Variants in FANCD2OS observed in about 807,000 individuals in gnomAD.
FANCD2OS encodes FANCD2 opposite strand.
FANCD2OS carries 11 observed loss-of-function variants against 13.2 expected under a neutral mutation model. The ratio of observed to expected loss-of-function variants is 0.83; its 90% CI spans 0.52 to 1.38. The LOEUF (loss-of-function observed/expected upper bound fraction) is 1.38, where lower values mean the gene tolerates loss of function less well. Ranked by LOEUF, FANCD2OS falls within the 40% of genes most tolerant of loss-of-function variation. The pLI, the probability that FANCD2OS is intolerant of heterozygous loss-of-function variation, is 0.00. For missense variants in FANCD2OS, 217 were observed against 213.9 expected (o/e 1.01, Z -0.09); for synonymous variants, 69 against 84.5 (o/e 0.82, Z 1.01).
chr3:10,092,920 G>T (rs1694740066), intron 2 of FANCD2OS, among the ~76,000 whole-genome samples: 1 of 151,768 alleles, frequency 6.6e-6, no homozygotes, highest in African/African-American at 2.4e-5. Context: ...TCGAACTCCT[G>T]GGCTCAAGTG....
intron 2 of FANCD2OS, among the ~76,000 whole-genome samples, chr3:10,090,887 C>G (rs1012214237): frequency 4.0e-5 from 6 of 151,520 alleles, no homozygotes; most frequent in Non-Finnish European, 7.4e-5. Flanking sequence ...TCCTTTCCCT[C>G]TAGTTAGAGG....
At chr3:10,092,889 A>C (rs1694737171) in intron 2 of FANCD2OS, among the ~76,000 whole-genome samples, 1 of 151,594 alleles carries the variant, frequency 6.6e-6, no homozygotes, top group Non-Finnish European at 1.5e-5. Flanking sequence ...ACAGGGTCTC[A>C]TTCTGTTCCC....
chr3:10,094,258 C>G (rs1316926099), intron 2 of FANCD2OS: 1 of 1,542,866 alleles, frequency 6.5e-7, no homozygotes, highest in Admixed American at 1.7e-5. Flanking sequence ...GATACCTCAG[C>G]TAGAGGTAAC....
Position 10,088,471 on chromosome 3 carries a change from C to T in FANCD2OS, c.*44-6940G>A. The T allele has an allele frequency of 6.2e-7, 1 of 1,610,626 alleles. No individual in the cohort carries two copies. The highest frequency in any genetic ancestry group is 1.1e-5 in the South Asian group (1 of 91,002). ...CAGCTTCCCTTGCCAGACAATTCCT[C>T]TGTCGGGTGTGGCCAAGTGGGGATA... On this transcript the variant is annotated intron_variant, in intron 2 of 2. Transcript: ENST00000524279.
chr3:10,104,422 A>C lies in FANCD2OS; in HGVS notation c.353T>G (p.Phe118Cys). 6.2e-7 allele frequency: 1 copy of C among 1,614,214 alleles called. No individual in the cohort carries two copies. The highest frequency in any genetic ancestry group is 1.3e-5 in the African/African-American group (1 of 75,060). ...TAQPPKWTGT[F>C]RVSDKSAFCK... The stretch of plus-strand genomic sequence containing the variant: ...AAAGGCTGACTTGTCTGAAACTCTG[A>C]AAGTCCCGGTCCACTTTGGTGGCTG... The change falls in exon 2 of 2, where the codon TTC becomes TGC. Residue 118 changes from phenylalanine to cysteine, a missense_variant. Transcript: ENST00000450660.
chr3:10,107,283 C>T (rs1167764195), intron 1 of FANCD2OS, among the ~76,000 whole-genome samples: 1 of 142,632 alleles, frequency 7.0e-6, no homozygotes, highest in Admixed American at 6.8e-5. Context: ...GGATCCTTTT[C>T]TTTCTTTCTT....
intron 2 of FANCD2OS, chr3:10,083,395 T>G (rs1249998055): frequency 6.6e-6 from 1 of 152,214 alleles, no homozygotes; most frequent in Non-Finnish European, 1.5e-5. Context: ...CTCACTAGCA[T>G]AGCTACATCA....
chr3:10,105,766 AAAAAATTATATATATATAT>A (rs1695462612), intron 1 of FANCD2OS, among the ~76,000 whole-genome samples: 4 of 58,720 alleles, frequency 6.8e-5, no homozygotes, highest in African/African-American at 3.7e-4. Context: ...AAAAAAAAAA[AAAAAATTATATATATATAT>A]ATATATATAT....
intron 2 of FANCD2OS, chr3:10,081,645 C>A: frequency 4.6e-6 from 3 of 653,958 alleles, no homozygotes; most frequent in South Asian, 1.7e-5. Flanking sequence ...CCCTCTGAGT[C>A]CTTTGGAGCC....
At chr3:10,101,450 A>G (rs887304883), downstream of FANCD2OS, 16 of 543,052 alleles carry the variant, frequency 2.9e-5, no homozygotes, top group African/African-American at 6.1e-5. Flanking sequence ...CAGTGCTGCA[A>G]TCTTGGCTCA....
chr3:10,104,234 G>A lies in FANCD2OS; in HGVS notation c.*7C>T. 1 of 1,594,540 alleles carries A rather than the reference G, an allele frequency of 6.3e-7. No individual in the cohort carries two copies. Among genetic ancestry groups the A allele is most frequent in the South Asian group, 1.1e-5 (1 of 87,298 alleles). On this transcript the variant is annotated 3_prime_UTR_variant, in exon 2 of 2. Coordinates refer to ENST00000450660, the MANE Select transcript of FANCD2OS (RefSeq NM_001164839.2). ...GTGTGAGTAAATGGGGATCAAATGA[G>A]GACCCTTTACTTGGAGTGCTGCAAG...
chr3:10,098,004 T>C (rs1232965896), downstream of FANCD2OS, among the ~76,000 whole-genome samples: 2 of 152,170 alleles, frequency 1.3e-5, no homozygotes, highest in Non-Finnish European at 2.9e-5. Context: ...TTTAGTTGTC[T>C]GATTAGCTGA....
At chr3:10,089,090 A>G (rs908467448) in intron 2 of FANCD2OS, 6 of 927,742 alleles carry the variant, frequency 6.5e-6, no homozygotes, top group African/African-American at 1.6e-5. Flanking sequence ...TTTGAGACCC[A>G]CTTGGCCAAC....
intron 2 of FANCD2OS, chr3:10,087,092 A>G (rs758248381): frequency 3.9e-5 from 62 of 1,610,184 alleles, no homozygotes; most frequent in Non-Finnish European, 4.9e-5. Context: ...TGTGACACAT[A>G]GGATACTATT....
At chr3:10,099,597 A>G (rs905284527), downstream of FANCD2OS, 1 of 155,996 alleles carries the variant, frequency 6.4e-6, no homozygotes. Context: ...ATCTCTACTG[A>G]AAATACAAAA....
intron 2 of FANCD2OS, chr3:10,090,301 T>C: frequency 6.2e-7 from 1 of 1,613,466 alleles, no homozygotes; most frequent in Middle Eastern, 1.7e-4. Flanking sequence ...GGCATACTTT[T>C]GTTGTTTTCT....
exon 3 of FANCD2OS, chr3:10,081,496 G>A (rs765934352): frequency 7.8e-6 from 11 of 1,401,770 alleles, no homozygotes; most frequent in African/African-American, 1.4e-5. Flanking sequence ...AGAGAACTGA[G>A]TATATACTTG....
intron 2 of FANCD2OS, chr3:10,088,779 G>T (rs201550150): frequency 1.2e-4 from 194 of 1,597,560 alleles, no homozygotes; most frequent in South Asian, 2.9e-4. Flanking sequence ...ATCTGTAGTT[G>T]TATTCTACTT....
chr3:10,098,236 T>C (rs567884981), downstream of FANCD2OS, among the ~76,000 whole-genome samples: 24 of 152,320 alleles, frequency 1.6e-4, no homozygotes, highest in South Asian at 4.6e-3. Flanking sequence ...AGAAGTTAAG[T>C]AATTTACCTA....
Sources: allele counts gnomAD v4.1 joint callset (sites outside exome capture counted in the v4.1 genomes callset), GRCh38; gene constraint gnomAD v4.1.1; transcripts MANE v1.5; gene names NCBI Gene and HGNC (gene_info 2026-07-23, HGNC 2026-07-21).